The following MYT1L variants were observed in gnomAD, a reference collection of about 807,000 sequenced individuals.
MYT1L encodes the protein myelin transcription factor 1-like protein.
MYT1L carries 12 observed loss-of-function variants against 126.7 expected under a neutral mutation model. The observed-to-expected ratio is 0.09, with a 90% CI of 0.06 to 0.15. The LOEUF is 0.15. Among genes scored for constraint, MYT1L ranks in the 10% least tolerant of loss-of-function variants. MYT1L has a pLI of 1.00. For synonymous variants in MYT1L, 541 were observed against 604.2 expected, an observed-to-expected ratio of 0.90 and a Z score of 1.53; for missense variants, 979 against 1,585.2, an observed-to-expected ratio of 0.62 and a Z score of 6.49.
intron 21 of MYT1L, among the ~76,000 whole-genome samples, chr2:1,834,487 A>G (rs2040568788): frequency 6.6e-6 from 1 of 152,222 alleles, no homozygotes; most frequent in South Asian, 2.1e-4. Context: ...TCAACACATG[A>G]TGGAATATTA....
intron 5 of MYT1L, among the ~76,000 whole-genome samples, chr2:1,982,516 A>G (rs890861672): frequency 6.6e-6 from 1 of 152,236 alleles, no homozygotes; most frequent in Admixed American, 6.5e-5. Flanking sequence ...GAAGAAAGAA[A>G]TTTCCTGGAG....
intron 3 of MYT1L, among the ~76,000 whole-genome samples, chr2:2,090,336 A>G (rs79796597): frequency 0.012 from 1,762 of 152,332 alleles, 34 homozygotes; most frequent in African/African-American, 0.041. Context: ...GAAGCTACAC[A>G]ATTTTTTCAT....
At chr2:2,092,858 A>T (rs1265226666) in intron 3 of MYT1L, among the ~76,000 whole-genome samples, 1 of 152,216 alleles carries the variant, frequency 6.6e-6, no homozygotes, top group African/African-American at 2.4e-5. Context: ...ACCTTGAAAA[A>T]GACCCTTGTT....
chr2:2,280,224 T>C (rs903808639), intron 2 of MYT1L, among the ~76,000 whole-genome samples: 3 of 152,218 alleles, frequency 2.0e-5, no homozygotes, highest in African/African-American at 2.4e-5. Context: ...TTATATGATG[T>C]CAAATTAGGT....
At chr2:2,270,479 G>A (rs1226355170) in intron 2 of MYT1L, among the ~76,000 whole-genome samples, 3 of 152,098 alleles carry the variant, frequency 2.0e-5, no homozygotes, top group Admixed American at 6.5e-5. Context: ...TGGATGAAGA[G>A]GGACAGAAGG....
At chr2:2,139,681 T>C (rs1446714530) in intron 3 of MYT1L, among the ~76,000 whole-genome samples, 2 of 151,884 alleles carry the variant, frequency 1.3e-5, no homozygotes, top group East Asian at 3.9e-4. Context: ...AAAAAGTGCA[T>C]GTCCAGGCAC....
rs1028656374 is a variant in MYT1L, at chr2:1,887,256, G to A, written c.2642+232C>T. 10 of 484,340 alleles carry A rather than the reference G, an allele frequency of 2.1e-5. No homozygotes were observed. The highest frequency in any genetic ancestry group is 3.2e-5 in the Non-Finnish European group (9 of 278,642). The allele number at this position is 484,340 out of a possible 1,614,324, so 30.0% of individuals were successfully genotyped here. ...GGATTTAAGCACCCTGAAGAAAAGC[G>A]GCAAAATGCACGGGTTAAATGAAAA... On this transcript the variant is annotated intron_variant, in intron 17 of 24. Transcript: ENST00000647738. This position sits in a 1 kb window ranked among gnomAD's most constrained non-coding sequence, Gnocchi z 4.8.
chr2:2,174,092 G>C (rs2090430783), intron 2 of MYT1L, among the ~76,000 whole-genome samples: 1 of 152,138 alleles, frequency 6.6e-6, no homozygotes, highest in African/African-American at 2.4e-5. Context: ...TAGATACATG[G>C]AGCTAGAGAG....
At chr2:2,153,594 A>G (rs960151711) in intron 3 of MYT1L, among the ~76,000 whole-genome samples, 6 of 152,170 alleles carry the variant, frequency 3.9e-5, no homozygotes, top group African/African-American at 1.4e-4. Context: ...TTACTAAGGG[A>G]TCGATGGTGT....
At chr2:1,951,750 C>T (rs991553473) in intron 8 of MYT1L, among the ~76,000 whole-genome samples, 9 of 152,176 alleles carry the variant, frequency 5.9e-5, no homozygotes, top group Admixed American at 4.6e-4. Flanking sequence ...AAACACCCAA[C>T]GACTAGCAAG....
chr2:2,255,250 T>C (rs572065219), intron 2 of MYT1L, among the ~76,000 whole-genome samples: 1 of 152,304 alleles, frequency 6.6e-6, no homozygotes, highest in East Asian at 1.9e-4. Flanking sequence ...GGCTGCCCGA[T>C]TACAGGGTGA....
At chr2:1,859,600 C>T (rs2044320918) in intron 18 of MYT1L, among the ~76,000 whole-genome samples, 1 of 152,150 alleles carries the variant, frequency 6.6e-6, no homozygotes. Context: ...TGTATGATGC[C>T]CAATAACTGT....
At chr2:2,089,468 G>C (rs1190413076) in intron 3 of MYT1L, among the ~76,000 whole-genome samples, 1 of 152,188 alleles carries the variant, frequency 6.6e-6, no homozygotes, top group Admixed American at 6.5e-5. Context: ...ACACATGAAA[G>C]AAACAGAAAT....
chr2:2,098,471 C>T (rs2077691094), intron 3 of MYT1L, among the ~76,000 whole-genome samples: 1 of 152,156 alleles, frequency 6.6e-6, no homozygotes, highest in South Asian at 2.1e-4. Context: ...TTATCCTGAG[C>T]CATGAGTTTG....
chr2:1,883,486 G>A (rs1316650712), intron 18 of MYT1L, among the ~76,000 whole-genome samples: 3 of 152,192 alleles, frequency 2.0e-5, no homozygotes, highest in Non-Finnish European at 4.4e-5. Context: ...CAAATGAAAT[G>A]TCACGAGAAG....
chr2:2,308,307 G>T (rs1019220345), intron 1 of MYT1L, among the ~76,000 whole-genome samples: 1 of 142,330 alleles, frequency 7.0e-6, no homozygotes, highest in Non-Finnish European at 1.5e-5. Context: ...ACTTCAGTAC[G>T]TTCTACCCAT....
intron 2 of MYT1L, among the ~76,000 whole-genome samples, chr2:2,175,790 C>A (rs2090677387): frequency 6.6e-6 from 1 of 152,236 alleles, no homozygotes; most frequent in South Asian, 2.1e-4. Flanking sequence ...CAGCACATCA[C>A]AGCAGCAGGG....
chr2:2,225,091 T>C (rs1036933235), intron 2 of MYT1L, among the ~76,000 whole-genome samples: 8 of 152,012 alleles, frequency 5.3e-5, no homozygotes, highest in Non-Finnish European at 8.8e-5. Flanking sequence ...ATGGCACCCT[T>C]TGGACACTGT....
intron 5 of MYT1L, among the ~76,000 whole-genome samples, chr2:1,990,623 G>A (rs1286432365): frequency 6.6e-6 from 1 of 152,164 alleles, no homozygotes; most frequent in East Asian, 1.9e-4. Flanking sequence ...TCCATGGCCA[G>A]GGGTGTCTCG....
Sources: gnomAD v4.1 joint callset for allele counts (sites outside exome capture counted in the v4.1 genomes callset) on GRCh38, gnomAD v4.1.1 for gene constraint, Gnocchi (gnomAD v3.1) non-coding constraint, MANE v1.5 for transcripts, NCBI Gene and HGNC (gene_info 2026-07-23, HGNC 2026-07-21) for gene names.